The following KMT2E variants were observed in gnomAD, a reference collection of about 807,000 sequenced individuals.
KMT2E encodes the protein lysine methyltransferase 2E (inactive), also known as histone reader KMT2E.
In KMT2E, 30 loss-of-function variants were observed where a neutral mutation model predicts 184.6. That is an observed-to-expected ratio of 0.16 (90% CI 0.12 to 0.22). The LOEUF (loss-of-function observed/expected upper bound fraction) is 0.22. Ranked by LOEUF, KMT2E falls within the 10% of genes least tolerant of loss-of-function variation. The pLI is 1.00. For missense variants in KMT2E, 2,023 were observed against 2,237.4 expected (o/e 0.90, Z 1.93); for synonymous variants, 815 against 776.5 (o/e 1.05, Z -0.82).
chr7:105,076,816 G>A (rs1446497118), intron 9 of KMT2E, 147 bp from the exon 10 acceptor site: 13 of 641,570 alleles, frequency 2.0e-5, no homozygotes, highest in South Asian at 7.9e-5. Flanking sequence ...AAAAGAAACC[G>A]TTAAACAGCA....
chr7:105,015,246 C>G (rs565908324), intron 1 of KMT2E, among the ~76,000 whole-genome samples: 1 of 152,160 alleles, frequency 6.6e-6, no homozygotes, highest in East Asian at 1.9e-4. Context: ...TTATTTTGAC[C>G]AAGGGATTGG....
At position 105,063,561 on chromosome 7, in the gene KMT2E, A is replaced by G; in HGVS notation, c.397A>G (p.Ile133Val). ...TTTTACACATGATGATGGATACATG[A>G]TCTGTTGTGACAAATGCAGGTAAAA... Reference protein sequence around the residue: ...CGFTHDDGYMICCDKCSVWQH... With the variant: ...CGFTHDDGYMVCCDKCSVWQH... The change falls in exon 5 of 27, where the codon ATC becomes GTC. Residue 133 changes from isoleucine (I) to valine (V), a missense_variant. Ile to Val is a conservative substitution (Grantham distance 29, BLOSUM62 3). This residue lies in a region of KMT2E where 30 missense variants were observed against 80.6 expected (regional missense o/e 0.37). Transcript: ENST00000311117. 6.2e-7 allele frequency: 1 copy of G among 1,600,570 alleles called. No homozygotes were observed. Among genetic ancestry groups the G allele is most frequent in the Non-Finnish European group, 8.5e-7 (1 of 1,172,124 alleles).
At position 105,112,253 on chromosome 7, in the gene KMT2E, T is replaced by C. The variant is rs115252503; in HGVS notation, c.4497T>C (p.Phe1499=). Residue 1499 remains phenylalanine, a synonymous_variant, in exon 27 of 27, where the codon TTT becomes TTC. Coordinates refer to ENST00000311117, the MANE Select transcript of KMT2E (RefSeq NM_182931.3). Reference sequence around the variant, plus strand: ...CTCAGCGAGAGCCTCAAAGAAACTTTTATCCAGCAGCACAGAACCTTCCAG... The same window carrying C: ...CTCAGCGAGAGCCTCAAAGAAACTTCTATCCAGCAGCACAGAACCTTCCAG... ...GTPQREPQRN[F]YPAAQNLPAN... 784 of 1,614,128 alleles carry C rather than the reference T, an allele frequency of 4.9e-4. 2 individuals are homozygous for C. In the African/African-American group the frequency reaches 9.3e-3, roughly 19 times the overall value.
At chr7:105,091,395 T>C (rs1425263766) in intron 15 of KMT2E, 81 bp downstream of exon 15, 5 of 801,676 alleles carry the variant, frequency 6.2e-6, no homozygotes, top group Admixed American at 1.9e-5. Flanking sequence ...CATGGGCTTT[T>C]ACATTATTCT....
intron 12 of KMT2E, among the ~76,000 whole-genome samples, chr7:105,079,395 C>A (rs532239397): frequency 1.5e-4 from 22 of 151,724 alleles, no homozygotes; most frequent in African/African-American, 5.3e-4. Flanking sequence ...CTCAGCCTCC[C>A]AAAATGCTGG....
intron 3 of KMT2E, among the ~76,000 whole-genome samples, chr7:105,059,511 C>T (rs930056589): frequency 6.6e-6 from 1 of 152,130 alleles, no homozygotes. Context: ...TATAGAAATA[C>T]TACCATTTAT....
At chr7:105,066,634 G>A in intron 5 of KMT2E, 93 bp from the exon 6 acceptor site, 1 of 954,296 alleles carries the variant, frequency 1.0e-6, no homozygotes, top group South Asian at 1.4e-5. Context: ...CTCAAAGTAG[G>A]TGCTTATTAA....
chr7:105,114,252 TG>T lies in KMT2E; in HGVS notation c.*920del, dbSNP rs1799494620. On this transcript the variant is annotated 3_prime_UTR_variant, in exon 27 of 27. Transcript: ENST00000311117. ...CTGTGGTGGTTTCTGTTTGCATTTTTGCAGGAGCCATAGGAAACTACTGAAA... is the reference window on the plus strand; with the variant it reads ...CTGTGGTGGTTTCTGTTTGCATTTTTCAGGAGCCATAGGAAACTACTGAAA... 6.6e-6 allele frequency: 1 copy of T among 152,338 alleles called. No homozygotes were observed. The highest frequency in any genetic ancestry group is 6.5e-5 in the Admixed American group (1 of 15,306). The allele number at this position is 152,338 out of a possible 1,614,324, so 9.4% of individuals were successfully genotyped here.
chr7:105,021,841 C>T (rs1169844805), intron 1 of KMT2E, among the ~76,000 whole-genome samples: 1 of 151,876 alleles, frequency 6.6e-6, no homozygotes, highest in African/African-American at 2.4e-5. Flanking sequence ...AAAAAATTGC[C>T]ACACACACAT....
At chr7:105,067,446 A>C (rs148009850) in intron 6 of KMT2E, among the ~76,000 whole-genome samples, 1 of 152,164 alleles carries the variant, frequency 6.6e-6, no homozygotes, top group African/African-American at 2.4e-5. Context: ...GGACATTTCA[A>C]ACTTACGTAA....
At chr7:105,036,158 T>C (rs981855367) in intron 1 of KMT2E, among the ~76,000 whole-genome samples, 3 of 151,778 alleles carry the variant, frequency 2.0e-5, no homozygotes, top group African/African-American at 4.8e-5. Context: ...TTTGTTGTTG[T>C]TGTTGTTGTT....
In KMT2E at chr7:105,078,972, A is replaced by G; in HGVS notation, c.1248+9A>G. The G allele has an allele frequency of 6.5e-7, 1 of 1,542,608 alleles. No homozygotes were observed. The highest frequency in any genetic ancestry group is 9.0e-7 in the Non-Finnish European group (1 of 1,115,866). On this transcript the variant is annotated intron_variant, in intron 12 of 26. Coordinates refer to ENST00000311117, the MANE Select transcript of KMT2E (RefSeq NM_182931.3). The stretch of plus-strand genomic sequence containing the variant: ...GTACACCCAATGCAGAGGTAAGCTT[A>G]TAGAAATTTTTTGGGGAGATGTGGG...
At chr7:105,057,466 CAG>C (rs911979669) in intron 3 of KMT2E, among the ~76,000 whole-genome samples, 19 of 151,882 alleles carry the variant, frequency 1.3e-4, no homozygotes, top group African/African-American at 3.9e-4. Context: ...TGTTTTGATA[CAG>C]AGTCTCACTC....
In KMT2E at chr7:105,101,986, A is replaced by T; in HGVS notation, c.1988A>T (p.Gln663Leu). 1 of 1,614,052 alleles carries T rather than the reference A, an allele frequency of 6.2e-7. No individual in the cohort carries two copies. The highest frequency in any genetic ancestry group is 8.5e-7 in the Non-Finnish European group (1 of 1,179,940). The stretch of plus-strand genomic sequence containing the variant: ...TCTCGGAGTAGGACTCACATTGGAC[A>T]GCAGCGTCGGAGACACAGAACTGTC... The part of the protein sequence containing the change: ...SFSRSRTHIG[Q>L]QRRRHRTVSM... The change falls in exon 17 of 27, where the codon CAG (glutamine) becomes CTG (leucine). Residue 663 changes from glutamine to leucine, a missense_variant. Physicochemically the swap from Gln to Leu is moderately radical, Grantham distance 113. Around this residue, in one of 8 missense-constraint regions of KMT2E, gnomAD observed 514 missense variants for 621.8 expected, o/e 0.83. Transcript: ENST00000311117.
intron 3 of KMT2E, among the ~76,000 whole-genome samples, chr7:105,044,074 G>C (rs1285411795): frequency 6.6e-6 from 1 of 152,050 alleles, no homozygotes; most frequent in Non-Finnish European, 1.5e-5. Flanking sequence ...TTCCAGCCTG[G>C]GTGACAGAGC....
chr7:105,044,844 A>G (rs1796032134), intron 3 of KMT2E, among the ~76,000 whole-genome samples: 1 of 152,174 alleles, frequency 6.6e-6, no homozygotes, highest in African/African-American at 2.4e-5. Context: ...CTCTGAGGGA[A>G]AGGAAACCAC....
chr7:105,075,988 TATTA>T, intron 8 of KMT2E, 51 bp from the exon 9 acceptor site: 1 of 1,336,952 alleles, frequency 7.5e-7, no homozygotes, highest in Admixed American at 1.8e-5. Context: ...AATTCTTAAA[TATTA>T]ATTATGTCCA....
At chr7:105,037,396 T>A (rs1022465968) in intron 1 of KMT2E, among the ~76,000 whole-genome samples, 1 of 152,156 alleles carries the variant, frequency 6.6e-6, no homozygotes, top group Non-Finnish European at 1.5e-5. Context: ...AGGGTCTCCC[T>A]CTGTCAGCCA....
chr7:105,094,339 C>A (rs1010027898), intron 15 of KMT2E, among the ~76,000 whole-genome samples: 1 of 152,248 alleles, frequency 6.6e-6, no homozygotes, highest in East Asian at 1.9e-4. Flanking sequence ...GAGAAACTTA[C>A]GTCAAACTGA....
Sources: allele counts gnomAD v4.1 joint callset (sites outside exome capture counted in the v4.1 genomes callset), GRCh38; gene constraint gnomAD v4.1.1; regional missense constraint gnomAD v4.1.1; transcripts MANE v1.5; gene names NCBI Gene and HGNC (gene_info 2026-07-23, HGNC 2026-07-21).